IL6R: variants seen among roughly 807,000 people sequenced by gnomAD.
IL6R encodes interleukin 6 receptor, also known as interleukin-6 receptor subunit alpha.
A neutral mutation model predicts 48.3 loss-of-function variants in IL6R; 38 were observed. The ratio of observed to expected loss-of-function variants is 0.79; its 90% CI spans 0.61 to 1.03. The LOEUF (loss-of-function observed/expected upper bound fraction) is 1.03. Ranked by LOEUF, IL6R falls within the 50% of genes least tolerant of loss-of-function variation. The probability of loss-of-function intolerance (pLI) is 0.00; values close to 1 mark genes in which losing one functional copy is unlikely to be tolerated. For synonymous variants in IL6R, 264 were observed against 256.2 expected (o/e 1.03, Z -0.29); for missense variants, 534 against 618.3 (o/e 0.86, Z 1.45).
chr1:154,464,922 A>G (rs1280919917), intron 9 of IL6R, among the ~76,000 whole-genome samples: 4 of 152,144 alleles, frequency 2.6e-5, no homozygotes, highest in African/African-American at 9.7e-5. Flanking sequence ...ATCACGCCAT[A>G]GCACTCCAGC....
chr1:154,418,034 A>C (rs1167878969), intron 1 of IL6R, among the ~76,000 whole-genome samples: 4 of 151,454 alleles, frequency 2.6e-5, no homozygotes, highest in African/African-American at 9.7e-5. Flanking sequence ...CACCCGGCCT[A>C]ATTTTTGTAT....
rs140160978 is a variant in IL6R at position 154,414,603 on chromosome 1, C to T, written c.85+8889C>T. ...CATAGGCTTTCTTGATGCACCCGGC[C>T]ATCTCATCCCTGATAGTGTCAAGCA... On this transcript the variant is annotated intron_variant, in intron 1 of 9. Coordinates refer to ENST00000368485, the MANE Select transcript of IL6R (RefSeq NM_000565.4). 568 of 762,942 alleles carry T rather than the reference C, an allele frequency of 7.4e-4. 9 individuals are homozygous for T. The East Asian group carries it at 0.014, about 19-fold the overall frequency. 47.3% of individuals were successfully genotyped at this position (762,942 alleles called of 1,614,324 possible).
chr1:154,425,161 T>G (rs992552293), intron 1 of IL6R, among the ~76,000 whole-genome samples: 2 of 152,178 alleles, frequency 1.3e-5, no homozygotes, highest in Non-Finnish European at 2.9e-5. Context: ...TGTCTGCTTG[T>G]GGATTTCATT....
intron 9 of IL6R, among the ~76,000 whole-genome samples, chr1:154,457,967 C>CTTT (rs1307922193): frequency 1.4e-4 from 13 of 91,694 alleles, no homozygotes; most frequent in South Asian, 7.3e-4. Flanking sequence ...TTTTCTTTTT[C>CTTT]TTTTTTTTTT....
In IL6R at chr1:154,405,828, C is replaced by A; in HGVS notation, c.85+114C>A. The stretch of plus-strand genomic sequence containing the variant: ...GGAGGAAAGGAGGTGCGACGGATCC[C>A]CTTTTCTGTGGCTGCCTTGAGGCCC... On this transcript the variant is annotated intron_variant, in intron 1 of 9. Coordinates refer to ENST00000368485, the MANE Select transcript of IL6R (RefSeq NM_000565.4). The surrounding 1 kb of genome is among the most constrained non-coding windows in gnomAD (Gnocchi z 5.2). 1 of 806,664 alleles carries A rather than the reference C, an allele frequency of 1.2e-6. No homozygotes were observed. The highest frequency in any genetic ancestry group is 1.8e-6 in the Non-Finnish European group (1 of 550,668). 50.0% of individuals were successfully genotyped at this position (806,664 alleles called of 1,614,324 possible). A position where few individuals can be genotyped will look rare whatever the true frequency, so the allele number is the denominator to read the frequency against.
intron 1 of IL6R, among the ~76,000 whole-genome samples, chr1:154,416,058 A>G (rs1371641451): frequency 6.6e-6 from 1 of 152,190 alleles, no homozygotes; most frequent in Non-Finnish European, 1.5e-5. Flanking sequence ...TGAACTTTCT[A>G]GTCTCTTCCA....
At chr1:154,410,114 T>C (rs1411424481) in intron 1 of IL6R, among the ~76,000 whole-genome samples, 2 of 152,106 alleles carry the variant, frequency 1.3e-5, no homozygotes, top group East Asian at 3.8e-4. Context: ...GAGAAGTATC[T>C]CTGGGGTAAC....
chr1:154,454,745 G>A (rs932546352), intron 9 of IL6R, among the ~76,000 whole-genome samples, 164 bp downstream of exon 9: 10 of 152,116 alleles, frequency 6.6e-5, no homozygotes, highest in African/African-American at 2.4e-4. Flanking sequence ...ATGCCAAGCC[G>A]TGTTTTAGGT....
intron 1 of IL6R, among the ~76,000 whole-genome samples, chr1:154,422,857 C>A (rs556598257): frequency 6.6e-6 from 1 of 152,324 alleles, no homozygotes; most frequent in African/African-American, 2.4e-5. Flanking sequence ...GGAGCCCCCT[C>A]CTCACCTGGT....
chr1:154,412,051 A>C (rs1688052935), intron 1 of IL6R, among the ~76,000 whole-genome samples: 1 of 148,532 alleles, frequency 6.7e-6, no homozygotes, highest in Admixed American at 6.8e-5. Context: ...AGGTTCACGC[A>C]GTTCTCCTGC....
intron 6 of IL6R, among the ~76,000 whole-genome samples, chr1:154,438,851 T>A (rs1689778969): frequency 6.6e-6 from 1 of 152,216 alleles, no homozygotes; most frequent in Non-Finnish European, 1.5e-5. Flanking sequence ...CTTTCCTTGT[T>A]CATCAAGGAC....
intron 5 of IL6R, among the ~76,000 whole-genome samples, 183 bp downstream of exon 5, chr1:154,435,339 G>A (rs903897656): frequency 1.9e-4 from 29 of 151,990 alleles, no homozygotes; most frequent in African/African-American, 6.5e-4. Flanking sequence ...GTGAAATACC[G>A]TCTCTACTAA....
intron 9 of IL6R, among the ~76,000 whole-genome samples, chr1:154,460,777 A>C (rs1377218065): frequency 6.6e-6 from 1 of 152,146 alleles, no homozygotes; most frequent in Non-Finnish European, 1.5e-5. Flanking sequence ...TCACCAAAGG[A>C]GGAGATGGGA....
At chr1:154,449,051 G>A (rs1286388553) in intron 7 of IL6R, among the ~76,000 whole-genome samples, 1 of 146,648 alleles carries the variant, frequency 6.8e-6, no homozygotes, top group African/African-American at 2.5e-5. Flanking sequence ...CCGCGACCGC[G>A]CCTGGCTAAT....
At chr1:154,462,989 A>C (rs969272140) in intron 9 of IL6R, among the ~76,000 whole-genome samples, 1 of 152,000 alleles carries the variant, frequency 6.6e-6, no homozygotes, top group South Asian at 2.1e-4. Context: ...TTTTTAGTAG[A>C]GACAGGGTTT....
chr1:154,431,406 G>A (rs1689287906), intron 3 of IL6R, among the ~76,000 whole-genome samples: 1 of 152,132 alleles, frequency 6.6e-6, no homozygotes, highest in South Asian at 2.1e-4. Flanking sequence ...ACCCCTAGTG[G>A]ATGCCTGAAA....
chr1:154,431,873 A>C (rs1689315410), intron 3 of IL6R, among the ~76,000 whole-genome samples: 1 of 152,174 alleles, frequency 6.6e-6, no homozygotes, highest in African/African-American at 2.4e-5. Flanking sequence ...GACGGTGTGA[A>C]ATCTCGTCAC....
chr1:154,453,562 GC>G (rs1199216945), intron 8 of IL6R, among the ~76,000 whole-genome samples: 4 of 152,246 alleles, frequency 2.6e-5, no homozygotes, highest in Non-Finnish European at 4.4e-5. Flanking sequence ...GGTAGGAAGA[GC>G]CTTTCTGTGG....
At chr1:154,423,099 T>A (rs1027352650) in intron 1 of IL6R, among the ~76,000 whole-genome samples, 1 of 151,588 alleles carries the variant, frequency 6.6e-6, no homozygotes, top group Non-Finnish European at 1.5e-5. Context: ...AAGGGCAAAG[T>A]GGCACTGTTT....
Sources: gnomAD v4.1 joint callset for allele counts (sites outside exome capture counted in the v4.1 genomes callset) on GRCh38, gnomAD v4.1.1 for gene constraint, Gnocchi (gnomAD v3.1) non-coding constraint, MANE v1.5 for transcripts, NCBI Gene and HGNC (gene_info 2026-07-23, HGNC 2026-07-21) for gene names.